The following TASP1 variants were observed in gnomAD, a reference collection of about 807,000 sequenced individuals.
The protein encoded by TASP1 is threonine aspartase 1.
Under a neutral mutation model 56.6 loss-of-function variants are expected in TASP1, and 16 were observed. The observed-to-expected ratio is 0.28, with a 90% CI of 0.19 to 0.43. The LOEUF is 0.43. Ranked by LOEUF, TASP1 falls within the 20% of genes least tolerant of loss-of-function variation. The pLI is 1.00. For synonymous variants in TASP1, 179 were observed against 184.2 expected, an observed-to-expected ratio of 0.97 and a Z score of 0.23; for missense variants, 393 against 511.6, an observed-to-expected ratio of 0.77 and a Z score of 2.24.
At chr20:13,528,576 A>G in intron 9 of TASP1, 65 bp from the exon 10 acceptor site, 1 of 1,376,710 alleles carries the variant, frequency 7.3e-7, no homozygotes, top group Non-Finnish European at 1.0e-6. Context: ...AGTTTTCAAC[A>G]GAAATCATAC....
chr20:13,229,321 A>G, the TASP1 span, among the ~76,000 whole-genome samples: 4 of 152,198 alleles, frequency 2.6e-5, no homozygotes, highest in East Asian at 1.9e-4. Flanking sequence ...CTAGTGCACA[A>G]TTGTAGGCAA....
intron 11 of TASP1, among the ~76,000 whole-genome samples, chr20:13,459,420 C>T (rs1471286786): frequency 2.0e-5 from 3 of 152,076 alleles, no homozygotes; most frequent in African/African-American, 7.2e-5. Flanking sequence ...CTGCAGAAAC[C>T]ATCAGCTAAA....
chr20:13,586,542 G>T (rs1229593924), intron 5 of TASP1, among the ~76,000 whole-genome samples: 1 of 151,946 alleles, frequency 6.6e-6, no homozygotes, highest in Non-Finnish European at 1.5e-5. Context: ...AAGCATAAGG[G>T]GTCCTTCCAG....
the TASP1 span, among the ~76,000 whole-genome samples, chr20:13,121,335 C>T: frequency 6.6e-6 from 1 of 152,182 alleles, no homozygotes; most frequent in East Asian, 1.9e-4. Context: ...GCCTGCATGC[C>T]AGCCAAAGCC....
chr20:13,366,756 A>G, the TASP1 span, among the ~76,000 whole-genome samples: 25 of 152,322 alleles, frequency 1.6e-4, no homozygotes, highest in East Asian at 4.6e-3. Flanking sequence ...TCTCTCCGAC[A>G]AAAGATGGGA....
the TASP1 span, among the ~76,000 whole-genome samples, chr20:13,375,341 T>C: frequency 6.6e-6 from 1 of 152,120 alleles, no homozygotes; most frequent in Admixed American, 6.5e-5. Context: ...GTGTTTGGTT[T>C]TCTGTTCCTG....
the TASP1 span, among the ~76,000 whole-genome samples, chr20:13,352,607 C>A: frequency 1.1e-4 from 16 of 152,136 alleles, no homozygotes; most frequent in African/African-American, 3.9e-4. Context: ...TCAGAAGACA[C>A]ACCACTAGCC....
chr20:13,353,494 A>T, the TASP1 span, among the ~76,000 whole-genome samples: 1 of 152,138 alleles, frequency 6.6e-6, no homozygotes, highest in East Asian at 1.9e-4. Context: ...CATTAAGTAA[A>T]TAAATGTATG....
the TASP1 span, among the ~76,000 whole-genome samples, chr20:13,132,171 A>ATT: frequency 0.061 from 6,353 of 103,996 alleles, 321 homozygotes; most frequent in Middle Eastern, 0.097. Flanking sequence ...CCTTGCTTTA[A>ATT]TTTTTTTTTT....
rs542490185 is a variant in TASP1 at position 13,483,187 on chromosome 20, C to A, written c.985+40G>T. On this transcript the variant is annotated intron_variant, in intron 11 of 13. Coordinates refer to ENST00000337743, the MANE Select transcript of TASP1 (RefSeq NM_017714.3). Reference sequence around the variant, plus strand: ...ATAGTGCTTATAGAAGTGAAATAATCCATATTTAGAAGATGTAATCTTCTT... The same window carrying A: ...ATAGTGCTTATAGAAGTGAAATAATACATATTTAGAAGATGTAATCTTCTT... The A allele has an allele frequency of 2.8e-6, 4 of 1,403,890 alleles. No individual in the cohort carries two copies. In the Admixed American group the frequency reaches 8.4e-5, roughly 29 times the overall value. The allele number at this position is 1,403,890 out of a possible 1,614,324, so 87.0% of individuals were successfully genotyped here. A position where few individuals can be genotyped will look rare whatever the true frequency, so the allele number is the denominator to read the frequency against.
At chr20:13,609,582 G>A (rs964955874) in intron 4 of TASP1, among the ~76,000 whole-genome samples, 76 of 151,760 alleles carry the variant, frequency 5.0e-4, no homozygotes, top group Non-Finnish European at 1.6e-4. Flanking sequence ...CAGCTACTGG[G>A]GAGGCTGAGG....
At chr20:13,394,307 CAAAAAAAAAA>C (rs57418361) in intron 13 of TASP1, among the ~76,000 whole-genome samples, 1 of 42,948 alleles carries the variant, frequency 2.3e-5, no homozygotes, top group Non-Finnish European at 4.5e-5. Context: ...CACTCCCTCT[CAAAAAAAAAA>C]AAAAAAAAAA....
the TASP1 span, among the ~76,000 whole-genome samples, chr20:13,308,105 C>T: frequency 2.0e-5 from 3 of 152,240 alleles, no homozygotes; most frequent in South Asian, 4.1e-4. Context: ...GACTACTCCA[C>T]TCTGTGATCT....
intron 10 of TASP1, among the ~76,000 whole-genome samples, chr20:13,503,451 C>T (rs1010186487): frequency 6.6e-6 from 1 of 152,134 alleles, no homozygotes; most frequent in Non-Finnish European, 1.5e-5. Context: ...CTCAGAATCC[C>T]TAGCTGGGCT....
chr20:13,381,408 G>C, the TASP1 span, among the ~76,000 whole-genome samples: 2 of 152,182 alleles, frequency 1.3e-5, no homozygotes, highest in African/African-American at 2.4e-5. Context: ...CATGCCCACT[G>C]TCTAACCAGT....
intron 11 of TASP1, among the ~76,000 whole-genome samples, chr20:13,448,126 A>C (rs933718316): frequency 6.6e-6 from 1 of 152,242 alleles, no homozygotes; most frequent in African/African-American, 2.4e-5. Flanking sequence ...TTAGAACTTC[A>C]GTTCTTCTGG....
At chr20:13,294,724 GGCCACA>G in the TASP1 span, among the ~76,000 whole-genome samples, 191 of 152,308 alleles carry the variant, frequency 1.3e-3, 1 homozygote, top group African/African-American at 4.4e-3. Flanking sequence ...TCAGAGAGGA[GGCCACA>G]GCCACAGCCT....
the TASP1 span, among the ~76,000 whole-genome samples, chr20:13,154,579 G>A: frequency 3.9e-5 from 6 of 152,142 alleles, no homozygotes; most frequent in South Asian, 2.1e-4. Flanking sequence ...CATTTCAAGC[G>A]TGGGGAAGCT....
intron 7 of TASP1, among the ~76,000 whole-genome samples, chr20:13,568,382 T>G (rs1263887095): frequency 6.6e-6 from 1 of 152,220 alleles, no homozygotes; most frequent in African/African-American, 2.4e-5. Context: ...ATTATTTAAA[T>G]TATATTCACA....
Sources: allele counts gnomAD v4.1 joint callset (sites outside exome capture counted in the v4.1 genomes callset), GRCh38; gene constraint gnomAD v4.1.1; transcripts MANE v1.5; gene names NCBI Gene and HGNC (gene_info 2026-07-23, HGNC 2026-07-21).